AP1G1: variants seen among roughly 807,000 people sequenced by gnomAD.
The protein encoded by AP1G1 is AP-1 complex subunit gamma-1.
Under a neutral mutation model 108.3 loss-of-function variants are expected in AP1G1, and 7 were observed. That is an observed-to-expected ratio of 0.06 (90% CI 0.04 to 0.12). The LOEUF is 0.12. AP1G1 is among the 10% of genes least tolerant of loss of function. The pLI, the probability that AP1G1 is intolerant of heterozygous loss-of-function variation, is 1.00. For synonymous variants in AP1G1, 379 were observed against 353.5 expected, an observed-to-expected ratio of 1.07 and a Z score of -0.81; for missense variants, 756 against 1,010.7, an observed-to-expected ratio of 0.75 and a Z score of 3.42.
At chr16:71,761,841 G>GA (rs1188669109) in intron 9 of AP1G1, among the ~76,000 whole-genome samples, 1 of 142,938 alleles carries the variant, frequency 7.0e-6, no homozygotes, top group Non-Finnish European at 1.5e-5. Flanking sequence ...AAAAAAAAAG[G>GA]AAAAAATCTA....
At chr16:71,738,510 G>C (rs1023392779) in intron 21 of AP1G1, among the ~76,000 whole-genome samples, 1 of 152,166 alleles carries the variant, frequency 6.6e-6, no homozygotes, top group Non-Finnish European at 1.5e-5. Context: ...TGTATCAAGA[G>C]AGAAAAAATT....
intron 5 of AP1G1, 42 bp downstream of exon 5, chr16:71,771,114 T>C (rs1597065370): frequency 1.6e-6 from 2 of 1,286,652 alleles, no homozygotes; most frequent in Non-Finnish European, 2.2e-6. Context: ...TCTCTTTCCC[T>C]TTCTCCCTCA....
intron 22 of AP1G1, among the ~76,000 whole-genome samples, chr16:71,734,000 G>A (rs2045502673): frequency 6.6e-6 from 1 of 152,106 alleles, no homozygotes; most frequent in Admixed American, 6.6e-5. Context: ...TATAGAGGCC[G>A]ATGCTCAAAA....
At chr16:71,769,404 GAGA>G in intron 6 of AP1G1, 1 of 505,916 alleles carries the variant, frequency 2.0e-6, no homozygotes, top group South Asian at 1.9e-5. Flanking sequence ...CCAACAATGA[GAGA>G]AGACTTCTAT....
intron 1 of AP1G1, among the ~76,000 whole-genome samples, chr16:71,794,008 G>A (rs771319814): frequency 6.6e-6 from 1 of 152,148 alleles, no homozygotes; most frequent in Non-Finnish European, 1.5e-5. Context: ...ATGAGCAACC[G>A]CACCTGGACC....
chr16:71,797,224 A>C (rs906464205), intron 1 of AP1G1, among the ~76,000 whole-genome samples: 5 of 152,038 alleles, frequency 3.3e-5, no homozygotes, highest in Non-Finnish European at 5.9e-5. Flanking sequence ...TCAAAACGAA[A>C]ATTTGGCTTA....
At chr16:71,799,835 C>T (rs1476264080) in intron 1 of AP1G1, among the ~76,000 whole-genome samples, 2 of 151,554 alleles carry the variant, frequency 1.3e-5, no homozygotes, top group East Asian at 1.9e-4. Flanking sequence ...GGAAGCAGAG[C>T]ATGCAGTGAG....
Position 71,771,170 on chromosome 16 carries a change from T to C in AP1G1, c.551A>G (p.Asn184Ser). The C allele has an allele frequency of 6.2e-7, 1 of 1,601,000 alleles. No homozygotes were observed. Among genetic ancestry groups the C allele is most frequent in the Non-Finnish European group, 8.5e-7 (1 of 1,169,926 alleles). The change falls in exon 5 of 23, where the codon AAT becomes AGT. Residue 184 changes from asparagine (N) to serine (S), a missense_variant. Transcript: ENST00000299980. ...MFLPATKNLL[N>S]EKNHGVLHTS... is the part of the protein sequence containing the mutation. ...AATTACATTACCATGGTTCTTCTCA[T>C]TCAATAAATTTTTTGTTGCTGGTAA...
At chr16:71,765,280 T>C (rs930267084) in intron 7 of AP1G1, among the ~76,000 whole-genome samples, 3 of 152,208 alleles carry the variant, frequency 2.0e-5, no homozygotes, top group Admixed American at 6.5e-5. Flanking sequence ...TGAGGCAAGA[T>C]TGTGCCACTG....
chr16:71,783,004 T>G (rs1364162789), intron 2 of AP1G1, among the ~76,000 whole-genome samples: 1 of 152,188 alleles, frequency 6.6e-6, no homozygotes, highest in East Asian at 1.9e-4. Context: ...CAGTCTAGGC[T>G]TAAGGATAGC....
chr16:71,752,858 G>C (rs1180036655), intron 13 of AP1G1, among the ~76,000 whole-genome samples: 3 of 152,016 alleles, frequency 2.0e-5, no homozygotes, highest in African/African-American at 7.2e-5. Flanking sequence ...TCTTTAATAA[G>C]AAAATTTTTT....
intron 1 of AP1G1, among the ~76,000 whole-genome samples, chr16:71,799,593 T>C (rs1351177997): frequency 6.6e-6 from 1 of 151,670 alleles, no homozygotes; most frequent in Non-Finnish European, 1.5e-5. Context: ...TACAGCTATA[T>C]CTCATCTCTT....
intron 3 of AP1G1, among the ~76,000 whole-genome samples, chr16:71,774,014 A>C (rs528849051): frequency 1.3e-5 from 2 of 149,474 alleles, no homozygotes; most frequent in African/African-American, 4.9e-5. Context: ...GTGATCTGAG[A>C]TCACGCCACT....
chr16:71,774,729 C>T (rs1252875220), intron 2 of AP1G1, 137 bp from the exon 3 acceptor site: 2 of 977,024 alleles, frequency 2.0e-6, no homozygotes, highest in Non-Finnish European at 2.9e-6. Context: ...TAAATCTTTT[C>T]TTTTTTTTGA....
At chr16:71,756,816 C>T (rs1251931670) in intron 11 of AP1G1, among the ~76,000 whole-genome samples, 4 of 151,766 alleles carry the variant, frequency 2.6e-5, no homozygotes, top group African/African-American at 9.7e-5. Flanking sequence ...GTGGTGGGCG[C>T]CTGTAGTCCC....
At chr16:71,799,045 A>G (rs1025811624) in intron 1 of AP1G1, among the ~76,000 whole-genome samples, 1 of 152,208 alleles carries the variant, frequency 6.6e-6, no homozygotes, top group African/African-American at 2.4e-5. Flanking sequence ...AAGGAAATCC[A>G]ATGGCTATTA....
At chr16:71,776,452 T>C (rs979936264) in intron 2 of AP1G1, among the ~76,000 whole-genome samples, 2 of 152,232 alleles carry the variant, frequency 1.3e-5, no homozygotes, top group African/African-American at 4.8e-5. Flanking sequence ...CAGAAGTTGA[T>C]GAAAGTCATC....
intron 12 of AP1G1, among the ~76,000 whole-genome samples, chr16:71,755,451 C>CA (rs925449091): frequency 4.0e-5 from 6 of 150,954 alleles, no homozygotes; most frequent in African/African-American, 7.3e-5. Context: ...AAACCCAAAA[C>CA]AAAAAAAACC....
chr16:71,769,447 A>G (rs534724637), intron 6 of AP1G1, 176 bp downstream of exon 6: 5 of 621,332 alleles, frequency 8.0e-6, no homozygotes, highest in South Asian at 6.4e-5. Context: ...TACTAGTGCC[A>G]GTTCTCACTT....
Sources: gnomAD v4.1 joint callset for allele counts (sites outside exome capture counted in the v4.1 genomes callset) on GRCh38, gnomAD v4.1.1 for gene constraint, MANE v1.5 for transcripts, NCBI Gene and HGNC (gene_info 2026-07-23, HGNC 2026-07-21) for gene names.